Variants in ZCCHC8 observed in about 807,000 individuals in gnomAD.
ZCCHC8 encodes the protein zinc finger CCHC-type containing 8.
ZCCHC8 carries 27 observed loss-of-function variants against 70.6 expected under a neutral mutation model. The ratio of observed to expected loss-of-function variants is 0.38; its 90% CI spans 0.28 to 0.53. The LOEUF (loss-of-function observed/expected upper bound fraction) is 0.53. Ranked by LOEUF, ZCCHC8 falls within the 20% of genes least tolerant of loss-of-function variation. The pLI is 0.81. For missense variants in ZCCHC8, 737 were observed against 876.9 expected, an observed-to-expected ratio of 0.84 and a Z score of 2.01; for synonymous variants, 293 against 317.4, an observed-to-expected ratio of 0.92 and a Z score of 0.82.
chr12:122,483,045 G>T lies in ZCCHC8; in HGVS notation c.671+234C>A. 1 of 538,538 alleles carries T rather than the reference G, an allele frequency of 1.9e-6. No individual in the cohort carries two copies. The highest frequency in any genetic ancestry group is 3.2e-6 in the Non-Finnish European group (1 of 307,808). 33.4% of individuals were successfully genotyped at this position (538,538 alleles called of 1,614,324 possible). ...TTATAAGACTGCAATCAAATTGACA[G>T]CAACAATTATACCTTTCCACCCACC... On this transcript the variant is annotated intron_variant, in intron 7 of 13. Coordinates refer to ENST00000633063, the MANE Select transcript of ZCCHC8 (RefSeq NM_017612.5). The surrounding 1 kb of genome is among the most constrained non-coding windows in gnomAD (Gnocchi z 4.4).
Position 122,483,684 on chromosome 12 carries a change from C to CAAGGAAGTTATTA in ZCCHC8, c.502-122_502-121insTAATAACTTCCTT. ...TGGATGGAATTATTAGAAATAATAACTTCCTTGTTATTAAGGAGCCAGACT... is the reference window on the plus strand; with the variant it reads ...TGGATGGAATTATTAGAAATAATAACAAGGAAGTTATTATTCCTTGTTATTAAGGAGCCAGACT... On this transcript the variant is annotated intron_variant, in intron 5 of 13. Coordinates refer to ENST00000633063, the MANE Select transcript of ZCCHC8 (RefSeq NM_017612.5). The surrounding 1 kb of genome is among the most constrained non-coding windows in gnomAD (Gnocchi z 4.4). 2.3e-6 allele frequency: 2 copies of CAAGGAAGTTATTA among 851,170 alleles called. No individual in the cohort carries two copies. Among genetic ancestry groups the CAAGGAAGTTATTA allele is most frequent in the Non-Finnish European group, 3.6e-6 (2 of 555,510 alleles). The allele number at this position is 851,170 out of a possible 1,614,324, so 52.7% of individuals were successfully genotyped here.
Position 122,483,091 on chromosome 12 carries a change from C to G in ZCCHC8, c.671+188G>C. The G allele has an allele frequency of 1.6e-6, 1 of 621,980 alleles. No homozygotes were observed. The highest frequency in any genetic ancestry group is 2.7e-6 in the Non-Finnish European group (1 of 365,272). 38.5% of individuals were successfully genotyped at this position (621,980 alleles called of 1,614,324 possible). A position where few individuals can be genotyped will look rare whatever the true frequency, so the allele number is the denominator to read the frequency against. On this transcript the variant is annotated intron_variant, in intron 7 of 13. Coordinates refer to ENST00000633063, the MANE Select transcript of ZCCHC8 (RefSeq NM_017612.5). The surrounding 1 kb of genome is among the most constrained non-coding windows in gnomAD (Gnocchi z 4.4). Reference sequence around the variant, plus strand: ...CCACCCAGGCACATTAGGTGAGAACCAATGAATTCCAGGAAGCAGATGATT... The same window carrying G: ...CCACCCAGGCACATTAGGTGAGAACGAATGAATTCCAGGAAGCAGATGATT...
chr12:122,492,579 C>T (rs758116397), intron 3 of ZCCHC8, 136 bp downstream of exon 3: 2 of 646,768 alleles, frequency 3.1e-6, no homozygotes, highest in Non-Finnish European at 5.4e-6. Flanking sequence ...AATCATGATT[C>T]CTTGTACTTT....
intron 5 of ZCCHC8, among the ~76,000 whole-genome samples, chr12:122,488,875 A>C (rs896890710): frequency 5.9e-5 from 9 of 152,002 alleles, no homozygotes; most frequent in Non-Finnish European, 1.3e-4. Context: ...CGTTTCAAAA[A>C]AAAAAAAAAA....
At chr12:122,489,021 G>A (rs894612079) in intron 5 of ZCCHC8, among the ~76,000 whole-genome samples, 6 of 152,102 alleles carry the variant, frequency 3.9e-5, no homozygotes, top group African/African-American at 1.4e-4. Flanking sequence ...ATTTGAGACT[G>A]TCAACACTTT....
chr12:122,486,232 G>C (rs1957634749), intron 5 of ZCCHC8, among the ~76,000 whole-genome samples: 1 of 151,684 alleles, frequency 6.6e-6, no homozygotes, highest in African/African-American at 2.4e-5. Flanking sequence ...GACCAACATG[G>C]TGAAACCCCA....
chr12:122,487,242 C>T lies in ZCCHC8; in HGVS notation c.501+2144G>A, dbSNP rs532986762. The stretch of plus-strand genomic sequence containing the variant: ...TGACTACAATGTAATTCGATGAGAG[C>T]TGGGACTTTGCCCTTCTTTTCACTG... On this transcript the variant is annotated intron_variant, in intron 5 of 13. Coordinates refer to ENST00000633063, the MANE Select transcript of ZCCHC8 (RefSeq NM_017612.5). Among the ~76,000 whole-genome samples, 3 of 152,332 alleles carry T rather than the reference C, an allele frequency of 2.0e-5. No individual in the cohort carries two copies. In the South Asian group the frequency reaches 6.2e-4, roughly 32 times the overall value.
chr12:122,471,629 T>C lies in ZCCHC8; in HGVS notation c.*1868A>G, dbSNP rs1315592808. On this transcript the variant is annotated 3_prime_UTR_variant, in exon 14 of 14. Transcript: ENST00000633063. The stretch of plus-strand genomic sequence containing the variant: ...GTAAAGGATTGCTTTTATTTTGAAC[T>C]TAAGCTGAGGAAAAGAAGCCAAAAG... 2 of 152,236 alleles carry C rather than the reference T, an allele frequency of 1.3e-5. No homozygotes were observed. The highest frequency in any genetic ancestry group is 4.8e-5 in the African/African-American group (2 of 41,462). The allele number at this position is 152,236 out of a possible 1,614,324, so 9.4% of individuals were successfully genotyped here. A position where few individuals can be genotyped will look rare whatever the true frequency, so the allele number is the denominator to read the frequency against.
At chr12:122,495,295 G>T (rs137883654) in intron 2 of ZCCHC8, among the ~76,000 whole-genome samples, 86 of 152,182 alleles carry the variant, frequency 5.7e-4, no homozygotes, top group African/African-American at 2.0e-3. Flanking sequence ...CTGGAGACCA[G>T]CTTGGCCAAC....
At chr12:122,478,952 C>T (rs371778456) in intron 11 of ZCCHC8, among the ~76,000 whole-genome samples, 11 of 152,298 alleles carry the variant, frequency 7.2e-5, no homozygotes, top group African/African-American at 1.7e-4. Context: ...CATGCACTTC[C>T]GCCCGTAATG....
intron 1 of ZCCHC8, chr12:122,499,482 G>C (rs1211556943): frequency 1.3e-5 from 2 of 153,392 alleles, no homozygotes; most frequent in Non-Finnish European, 2.9e-5. Context: ...TGGCCAGGCT[G>C]ACCTCCTGAT....
intron 3 of ZCCHC8, among the ~76,000 whole-genome samples, 154 bp from the exon 4 acceptor site, chr12:122,490,721 C>T (rs1957729121): frequency 6.6e-6 from 1 of 152,020 alleles, no homozygotes; most frequent in Non-Finnish European, 1.5e-5. Flanking sequence ...GAACATATTC[C>T]TTAAGATAAA....
rs796079777 is a variant in ZCCHC8, at chr12:122,489,433, T to C, written c.454A>G (p.Lys152Glu). ...TTAATGGCACAGGACTCTTCCACTT[T>C]GTGGTCCTCCTCTAGCACAATACTG... ...PSSIVLEEDHKVEESCAIKNN... is the reference protein window; with the variant it reads ...PSSIVLEEDHEVEESCAIKNN... Residue 152 changes from lysine (K) to glutamate (E), a missense_variant, in exon 5 of 14, where the codon AAA becomes GAA. By Grantham distance (56) the Lys-to-Glu change is moderately conservative. Transcript: ENST00000633063. 1.2e-6 allele frequency: 2 copies of C among 1,613,868 alleles called. No individual in the cohort carries two copies. The highest frequency in any genetic ancestry group is 3.3e-5 in the Admixed American group (2 of 59,998).
At chr12:122,494,328 T>G (rs1005788539) in intron 2 of ZCCHC8, among the ~76,000 whole-genome samples, 2 of 148,992 alleles carry the variant, frequency 1.3e-5, no homozygotes, top group Admixed American at 6.7e-5. Context: ...CAGAGGCGGG[T>G]GGATCACGAG....
At chr12:122,474,827 TG>T (rs1327842101) in intron 13 of ZCCHC8, among the ~76,000 whole-genome samples, 2 of 148,190 alleles carry the variant, frequency 1.3e-5, no homozygotes, top group Non-Finnish European at 3.0e-5. Context: ...CTCCGTCTCC[TG>T]GGTTCAAGCA....
rs1190841089 is a variant in ZCCHC8 at position 122,473,935 on chromosome 12, C to T, written c.1686G>A (p.Glu562=). Residue 562 remains glutamate (E), a synonymous_variant, in exon 14 of 14, where the codon GAG becomes GAA. Transcript: ENST00000633063. ...TTCCCTCCGGGACAGGGAGGTCTAG[C>T]TCATTTGGACAAGGTGATGAGGCAA... ...NSVASSPCPN[E]LDLPVPEGKT... is the part of the protein sequence containing the mutation. 2 of 1,612,380 alleles carry T rather than the reference C, an allele frequency of 1.2e-6. No individual in the cohort carries two copies. The highest frequency in any genetic ancestry group is 2.2e-5 in the East Asian group (1 of 44,876).
At position 122,474,126 on chromosome 12, in the gene ZCCHC8, C is replaced by A. The variant is rs575153847; in HGVS notation, c.1495G>T (p.Asp499Tyr). 1.3e-6 allele frequency: 2 copies of A among 1,509,264 alleles called. No individual in the cohort carries two copies. Among genetic ancestry groups the A allele is most frequent in the South Asian group, 2.8e-5 (2 of 71,880 alleles). The allele number at this position is 1,509,264 out of a possible 1,614,324, so 93.5% of individuals were successfully genotyped here. A position where few individuals can be genotyped will look rare whatever the true frequency, so the allele number is the denominator to read the frequency against. ...PKGTPPLTPS[D>Y]SPQTRTASGA... ...GATGCTGTTCTGGTCTGGGGTGAGT[C>A]ACTGGGAGTCAGCGGCGGGGTGCCC... Residue 499 changes from aspartate (D) to tyrosine (Y), a missense_variant, in exon 14 of 14, where the codon GAC becomes TAC. Transcript: ENST00000633063.
At position 122,474,174 on chromosome 12, in the gene ZCCHC8, C is replaced by T. The variant is rs771434537; in HGVS notation, c.1447G>A (p.Val483Ile). The T allele has an allele frequency of 5.4e-5, 82 of 1,512,780 alleles. No individual in the cohort carries two copies. The highest frequency in any genetic ancestry group is 6.8e-5 in the Non-Finnish European group (77 of 1,138,686). The allele number at this position is 1,512,780 out of a possible 1,614,324, so 93.7% of individuals were successfully genotyped here. A position where few individuals can be genotyped will look rare whatever the true frequency, so the allele number is the denominator to read the frequency against. The change falls in exon 14 of 14, where the codon GTC becomes ATC. Residue 483 changes from valine (V) to isoleucine (I), a missense_variant. Val to Ile is a conservative substitution (Grantham distance 29, BLOSUM62 3). Transcript: ENST00000633063. ...PPLPRGTPPP[V>I]FTPPLPKGTP... ...CCCTTTGGGAGTGGAGGGGTGAAGACGGGTGGAGGAGTTCCCCGGGGGAGT... is the reference window on the plus strand; with the variant it reads ...CCCTTTGGGAGTGGAGGGGTGAAGATGGGTGGAGGAGTTCCCCGGGGGAGT...
At chr12:122,480,461 AT>A in intron 10 of ZCCHC8, 150 bp from the exon 11 acceptor site, 1 of 633,628 alleles carries the variant, frequency 1.6e-6, no homozygotes, top group Non-Finnish European at 2.4e-6. Flanking sequence ...TTTCTAAATC[AT>A]TAGGACAGAA....
Sources: gnomAD v4.1 joint callset for allele counts (sites outside exome capture counted in the v4.1 genomes callset) on GRCh38, gnomAD v4.1.1 for gene constraint, Gnocchi (gnomAD v3.1) non-coding constraint, MANE v1.5 for transcripts, NCBI Gene and HGNC (gene_info 2026-07-23, HGNC 2026-07-21) for gene names.